The following KCNJ1 variants were observed in gnomAD, a reference collection of about 807,000 sequenced individuals.
KCNJ1 encodes ATP-sensitive inward rectifier potassium channel 1.
KCNJ1 carries 24 observed loss-of-function variants against 21.9 expected under a neutral mutation model. That is an observed-to-expected ratio of 1.10 (90% CI 0.79 to 1.54). The LOEUF is 1.54. KCNJ1 is among the 40% of genes most tolerant of loss of function. The probability of loss-of-function intolerance (pLI) is 0.00; values close to 1 mark genes in which losing one functional copy is unlikely to be tolerated. For missense variants in KCNJ1, 457 were observed against 455.4 expected (o/e 1.00, Z -0.03); for synonymous variants, 152 against 160.9 (o/e 0.94, Z 0.42).
chr11:128,853,779 T>G (rs1943523172), intron 1 of KCNJ1, among the ~76,000 whole-genome samples: 1 of 152,244 alleles, frequency 6.6e-6, no homozygotes, highest in Non-Finnish European at 1.5e-5. Flanking sequence ...GGGCCCTTGT[T>G]GGAACCTCGG....
At chr11:128,864,054 TTTC>T (rs1001529938) in intron 1 of KCNJ1, among the ~76,000 whole-genome samples, 1 of 150,796 alleles carries the variant, frequency 6.6e-6, no homozygotes, top group African/African-American at 2.4e-5. Flanking sequence ...GACTTTTCTT[TTTC>T]TTTTTTCTTT....
At chr11:128,854,705 T>C (rs74998140) in intron 1 of KCNJ1, among the ~76,000 whole-genome samples, 365 of 152,312 alleles carry the variant, frequency 2.4e-3, no homozygotes, top group African/African-American at 8.3e-3. Flanking sequence ...GCGTACTTCC[T>C]GAATAAGGGC....
At chr11:128,856,010 GTCT>G (rs1363860288) in intron 1 of KCNJ1, among the ~76,000 whole-genome samples, 3 of 152,220 alleles carry the variant, frequency 2.0e-5, no homozygotes, top group Non-Finnish European at 2.9e-5. Context: ...GTCTTGGGAA[GTCT>G]TCTTTCTCCC....
chr11:128,844,785 G>A lies in KCNJ1; in HGVS notation c.-21-4521C>T, dbSNP rs1943350816. ...TGTCAAAGAGGGGAAAGGGAAAATA[G>A]GCATGGCTGTTACCGCTTCTGATTT... is the stretch of plus-strand genomic sequence containing the variant. On this transcript the variant is annotated intron_variant, in intron 2 of 2. Coordinates refer to ENST00000392666, the MANE Select transcript of KCNJ1 (RefSeq NM_153766.3). Among the ~76,000 whole-genome samples the A allele has an allele frequency of 2.6e-5, 4 of 152,244 alleles. No homozygotes were observed. In the South Asian group the frequency reaches 8.3e-4, roughly 32 times the overall value.
At chr11:128,847,550 A>C (rs1463622192) in intron 2 of KCNJ1, among the ~76,000 whole-genome samples, 2 of 152,236 alleles carry the variant, frequency 1.3e-5, no homozygotes, top group Non-Finnish European at 2.9e-5. Context: ...AATGAGTTAA[A>C]AATTTCAAGT....
intron 1 of KCNJ1, among the ~76,000 whole-genome samples, chr11:128,860,550 C>A (rs911002262): frequency 1.3e-5 from 2 of 152,206 alleles, no homozygotes; most frequent in African/African-American, 4.8e-5. Flanking sequence ...CCAGAAGATT[C>A]TCTCTGAAGA....
At chr11:128,858,413 C>G (rs1456609263) in intron 1 of KCNJ1, among the ~76,000 whole-genome samples, 1 of 152,026 alleles carries the variant, frequency 6.6e-6, no homozygotes, top group Non-Finnish European at 1.5e-5. Context: ...AACAACTGTT[C>G]AAATGGCACG....
intron 1 of KCNJ1, among the ~76,000 whole-genome samples, chr11:128,864,142 A>T (rs1221108191): frequency 1.3e-4 from 16 of 123,550 alleles, no homozygotes; most frequent in African/African-American, 5.2e-4. Context: ...TGAGGAGTGC[A>T]GTGGCACGAT....
intron 1 of KCNJ1, among the ~76,000 whole-genome samples, chr11:128,862,981 C>T (rs961685790): frequency 2.6e-5 from 4 of 152,222 alleles, no homozygotes; most frequent in African/African-American, 9.7e-5. Flanking sequence ...AACAGTTATT[C>T]ACAGTTGCTG....
At chr11:128,842,467 A>T in intron 2 of KCNJ1, 1 of 1,613,328 alleles carries the variant, frequency 6.2e-7, no homozygotes, top group Non-Finnish European at 8.5e-7. Flanking sequence ...TTCTATGCAG[A>T]CTGATTTCTT....
At chr11:128,851,896 C>T (rs563084983) in intron 1 of KCNJ1, among the ~76,000 whole-genome samples, 4 of 152,180 alleles carry the variant, frequency 2.6e-5, no homozygotes, top group Non-Finnish European at 5.9e-5. Flanking sequence ...TCCACAGACA[C>T]ACAAGATCTA....
rs1038206000 is a variant in KCNJ1 at position 128,850,878 on chromosome 11, G to A, written c.-179C>T. On this transcript the variant is annotated 5_prime_UTR_variant, in exon 2 of 3. Transcript: ENST00000392666. ...GGCCCAGGATGGGGATGAAGGCACA[G>A]TAGAGAAGAAACCTGGTAAAATACA... 111 of 985,306 alleles carry A rather than the reference G, an allele frequency of 1.1e-4. No individual in the cohort carries two copies. Among genetic ancestry groups the A allele is most frequent in the Admixed American group, 1.8e-4 (3 of 16,270 alleles). The allele number at this position is 985,306 out of a possible 1,614,324, so 61.0% of individuals were successfully genotyped here.
At chr11:128,863,490 A>T (rs913006004) in intron 1 of KCNJ1, among the ~76,000 whole-genome samples, 4 of 152,232 alleles carry the variant, frequency 2.6e-5, no homozygotes, top group Non-Finnish European at 4.4e-5. Flanking sequence ...ATACTGGGGA[A>T]CCAATTTTGA....
intron 2 of KCNJ1, among the ~76,000 whole-genome samples, chr11:128,848,608 C>A (rs972370016): frequency 6.6e-6 from 1 of 152,156 alleles, no homozygotes. Flanking sequence ...TTGATCCCTG[C>A]CCTGTTCAGA....
chr11:128,857,563 A>G (rs1203927205), intron 1 of KCNJ1, among the ~76,000 whole-genome samples: 1 of 152,204 alleles, frequency 6.6e-6, no homozygotes, highest in Non-Finnish European at 1.5e-5. Flanking sequence ...TGTTATACCC[A>G]ACACTGCTCA....
intron 2 of KCNJ1, among the ~76,000 whole-genome samples, chr11:128,844,864 T>C (rs1183893118): frequency 6.6e-6 from 1 of 152,174 alleles, no homozygotes; most frequent in Non-Finnish European, 1.5e-5. Flanking sequence ...AAAACACTTA[T>C]TGCAGTCTGC....
intron 2 of KCNJ1, chr11:128,842,359 T>G: frequency 6.2e-7 from 1 of 1,613,444 alleles, no homozygotes; most frequent in South Asian, 1.1e-5. Flanking sequence ...TCCAGAGAGG[T>G]GATTTCCCCA....
chr11:128,862,943 C>A (rs1463232183), intron 1 of KCNJ1, among the ~76,000 whole-genome samples: 1 of 152,228 alleles, frequency 6.6e-6, no homozygotes, highest in African/African-American at 2.4e-5. Flanking sequence ...ACACACTTCA[C>A]AGAGTCTTCT....
At chr11:128,850,380 T>C (rs1166671079) in intron 2 of KCNJ1, among the ~76,000 whole-genome samples, 2 of 152,230 alleles carry the variant, frequency 1.3e-5, no homozygotes, top group Non-Finnish European at 2.9e-5. Flanking sequence ...ACATTTACTT[T>C]TGTGCTGTCT....
Sources: gnomAD v4.1 joint callset for allele counts (sites outside exome capture counted in the v4.1 genomes callset) on GRCh38, gnomAD v4.1.1 for gene constraint, MANE v1.5 for transcripts, NCBI Gene and HGNC (gene_info 2026-07-23, HGNC 2026-07-21) for gene names.